The following ITFG1 variants were observed in gnomAD, a reference collection of about 807,000 sequenced individuals.
The protein encoded by ITFG1 is T-cell immunomodulatory protein.
In ITFG1, 34 loss-of-function variants were observed where a neutral mutation model predicts 81.8. The ratio of observed to expected loss-of-function variants is 0.42; its 90% confidence interval spans 0.32 to 0.55. The LOEUF is 0.55. Ranked by LOEUF, ITFG1 falls within the 20% of genes least tolerant of loss-of-function variation. The pLI is 0.17. For missense variants in ITFG1, 672 were observed against 755.4 expected, an observed-to-expected ratio of 0.89 and a Z score of 1.29; for synonymous variants, 285 against 270.6, an observed-to-expected ratio of 1.05 and a Z score of -0.52.
At chr16:47,299,290 G>C (rs1967035775) in intron 10 of ITFG1, among the ~76,000 whole-genome samples, 1 of 152,190 alleles carries the variant, frequency 6.6e-6, no homozygotes, top group Non-Finnish European at 1.5e-5. Flanking sequence ...GTGCGTGCAG[G>C]TGAGAGCCAG....
At chr16:47,329,943 A>C (rs184798951) in intron 8 of ITFG1, among the ~76,000 whole-genome samples, 1 of 152,276 alleles carries the variant, frequency 6.6e-6, no homozygotes, top group Admixed American at 6.6e-5. Context: ...AAATGGTGAC[A>C]CTACAATATC....
chr16:47,234,340 T>C (rs1391770132), intron 13 of ITFG1, among the ~76,000 whole-genome samples: 3 of 152,124 alleles, frequency 2.0e-5, no homozygotes, highest in East Asian at 1.9e-4. Flanking sequence ...ATAAAAAAAC[T>C]GTAATAAATG....
intron 10 of ITFG1, among the ~76,000 whole-genome samples, chr16:47,305,855 G>A (rs1301338857): frequency 6.6e-6 from 1 of 152,140 alleles, no homozygotes; most frequent in Non-Finnish European, 1.5e-5. Flanking sequence ...GACTCTCCCA[G>A]ATAGAATTAC....
intron 6 of ITFG1, 54 bp from the exon 7 acceptor site, chr16:47,375,994 A>G: frequency 1.0e-6 from 1 of 997,914 alleles, no homozygotes; most frequent in South Asian, 1.5e-5. Context: ...TGATGTGTAC[A>G]TTTAAAAACA....
intron 14 of ITFG1, among the ~76,000 whole-genome samples, chr16:47,210,855 T>C (rs1199806263): frequency 2.0e-5 from 3 of 152,208 alleles, no homozygotes; most frequent in African/African-American, 2.4e-5. Flanking sequence ...ACTGCAGCTA[T>C]AAAATAAGTC....
rs142951347 is a variant in ITFG1, at chr16:47,166,828, CAA to C, written c.1454-4166_1454-4165del. Among the ~76,000 whole-genome samples, 35 of 152,012 alleles carry C rather than the reference CAA, an allele frequency of 2.3e-4. No homozygotes were observed. The East Asian group carries it at 6.4e-3, about 28-fold the overall frequency. ...CATTCCTAGATACAGAATACTGGAT[CAA>C]AGAGTAGTAAGTTTAGAACTTATTC... On this transcript the variant is annotated intron_variant, in intron 14 of 17. Transcript: ENST00000320640.
intron 8 of ITFG1, among the ~76,000 whole-genome samples, chr16:47,360,000 T>C (rs1408515569): frequency 6.6e-6 from 1 of 152,228 alleles, no homozygotes; most frequent in African/African-American, 2.4e-5. Context: ...AAGCATATAA[T>C]ACACAGCCAG....
chr16:47,225,678 A>G (rs1965748249), intron 13 of ITFG1, among the ~76,000 whole-genome samples: 1 of 152,210 alleles, frequency 6.6e-6, no homozygotes, highest in African/African-American at 2.4e-5. Context: ...ACTGTCAGCC[A>G]AGAAGTCTAA....
At chr16:47,373,252 T>A (rs974194167) in intron 7 of ITFG1, among the ~76,000 whole-genome samples, 16 of 152,212 alleles carry the variant, frequency 1.1e-4, no homozygotes, top group African/African-American at 3.9e-4. Context: ...CTAAAATCCT[T>A]TAATTCATAC....
intron 14 of ITFG1, among the ~76,000 whole-genome samples, chr16:47,192,058 T>G (rs1166897774): frequency 6.6e-6 from 1 of 152,128 alleles, no homozygotes; most frequent in Admixed American, 6.5e-5. Context: ...GGATTACAGG[T>G]GTGAGCCACC....
intron 14 of ITFG1, among the ~76,000 whole-genome samples, chr16:47,165,435 A>G (rs940607124): frequency 4.6e-5 from 7 of 152,284 alleles, no homozygotes; most frequent in Non-Finnish European, 1.0e-4. Context: ...GGGCTGCAGA[A>G]TTAGTCCACC....
intron 13 of ITFG1, among the ~76,000 whole-genome samples, chr16:47,223,010 GCTGGGAAAACTGGCTAGC>G (rs1416921418): frequency 6.6e-6 from 1 of 151,664 alleles, no homozygotes; most frequent in Non-Finnish European, 1.5e-5. Context: ...AATAAATGGT[GCTGGGAAAACTGGCTAGC>G]CATATGTAGA....
At chr16:47,171,241 C>T (rs986627701) in intron 14 of ITFG1, among the ~76,000 whole-genome samples, 2 of 152,024 alleles carry the variant, frequency 1.3e-5, no homozygotes, top group Admixed American at 6.6e-5. Context: ...CTCCTGGCCT[C>T]AAGCATTCTT....
rs553669160 is a variant in ITFG1, at chr16:47,221,502, T to C, written c.1375-2556A>G. On this transcript the variant is annotated intron_variant, in intron 13 of 17. Transcript: ENST00000320640. ...TCGGTTTGCCAGTATTTTTTGAGGA[T>C]TTTTGCATCAATGTTCATCAAGGAT... 1.7e-3 allele frequency among the ~76,000 whole-genome samples: 256 copies of C among 152,342 alleles called. 2 individuals are homozygous for C. The highest frequency in any genetic ancestry group is 2.9e-3 in the Non-Finnish European group (196 of 68,030).
intron 8 of ITFG1, among the ~76,000 whole-genome samples, chr16:47,339,014 T>C (rs1967746772): frequency 6.6e-6 from 1 of 152,216 alleles, no homozygotes; most frequent in South Asian, 2.1e-4. Context: ...TCACAATTGT[T>C]TTAATTTTTA....
intron 7 of ITFG1, among the ~76,000 whole-genome samples, chr16:47,366,771 G>A (rs1478572331): frequency 6.6e-6 from 1 of 152,120 alleles, no homozygotes; most frequent in Non-Finnish European, 1.5e-5. Context: ...TTTAAAATGA[G>A]TTTTTCCTTC....
At position 47,452,794 on chromosome 16, in the gene ITFG1, CAA is replaced by C; in HGVS notation, c.428-6_428-5del. The C allele has an allele frequency of 6.7e-7, 1 of 1,484,998 alleles. No individual in the cohort carries two copies. Among genetic ancestry groups the C allele is most frequent in the Non-Finnish European group, 9.2e-7 (1 of 1,083,938 alleles). 92.0% of individuals were successfully genotyped at this position (1,484,998 alleles called of 1,614,324 possible). A position where few individuals can be genotyped will look rare whatever the true frequency, so the allele number is the denominator to read the frequency against. On this transcript the variant is annotated splice_polypyrimidine_tract_variant and splice_region_variant and intron_variant, in intron 3 of 17. Transcript: ENST00000320640. ...AGTATGGTCATATTGTTAGGATCTG[CAA>C]AAAAGATATATATATATATGAATTA... is the stretch of plus-strand genomic sequence containing the variant.
chr16:47,365,938 A>G (rs1218556341), intron 7 of ITFG1, 69 bp from the exon 8 acceptor site: 2 of 812,386 alleles, frequency 2.5e-6, no homozygotes, highest in African/African-American at 3.4e-5. Context: ...AAAACAAAGC[A>G]TTCTAACTGA....
intron 8 of ITFG1, among the ~76,000 whole-genome samples, chr16:47,316,778 T>C (rs1193987516): frequency 6.6e-6 from 1 of 152,162 alleles, no homozygotes; most frequent in African/African-American, 2.4e-5. Context: ...AGAAAGTACT[T>C]TTAACATGGG....
Sources: gnomAD v4.1 joint callset for allele counts (sites outside exome capture counted in the v4.1 genomes callset) on GRCh38, gnomAD v4.1.1 for gene constraint, MANE v1.5 for transcripts, NCBI Gene and HGNC (gene_info 2026-07-23, HGNC 2026-07-21) for gene names.